CUL5: variants seen among roughly 807,000 people sequenced by gnomAD.
CUL5 encodes the protein cullin 5, also known as cullin-5.
CUL5 carries 26 observed loss-of-function variants against 108.8 expected under a neutral mutation model. The observed-to-expected ratio is 0.24, with a 90% CI of 0.18 to 0.33. The LOEUF is 0.33. Among genes scored for constraint, CUL5 ranks in the 10% least tolerant of loss-of-function variants. CUL5 has a pLI of 1.00. For synonymous variants in CUL5, 334 were observed against 298.0 expected, an observed-to-expected ratio of 1.12 and a Z score of -1.25; for missense variants, 524 against 909.2, an observed-to-expected ratio of 0.58 and a Z score of 5.45.
intron 15 of CUL5, 144 bp from the exon 16 acceptor site, chr11:108,095,386 A>G: frequency 3.3e-6 from 2 of 608,552 alleles, no homozygotes; most frequent in Admixed American, 3.2e-5. Flanking sequence ...CTGGGCAGTC[A>G]TTAACGTCTT....
chr11:108,095,796 C>G, intron 16 of CUL5, 105 bp downstream of exon 16: 1 of 1,100,008 alleles, frequency 9.1e-7, no homozygotes, highest in Non-Finnish European at 1.3e-6. Context: ...TTCAGAATGT[C>G]TTATCAAGAA....
At chr11:108,053,539 T>G (rs1000183199) in intron 5 of CUL5, among the ~76,000 whole-genome samples, 3 of 152,198 alleles carry the variant, frequency 2.0e-5, no homozygotes, top group Non-Finnish European at 4.4e-5. Flanking sequence ...GACATTAAAC[T>G]TCACATGCAG....
intron 1 of CUL5, among the ~76,000 whole-genome samples, chr11:108,023,273 C>T (rs1862371509): frequency 6.6e-6 from 1 of 152,072 alleles, no homozygotes; most frequent in Non-Finnish European, 1.5e-5. Context: ...AAAAAAAACG[C>T]AGTATCTTCT....
Position 108,097,729 on chromosome 11 carries a change from T to A in CUL5, c.1999T>A (p.Ser667Thr). The change falls in exon 17 of 19, where the codon TCA becomes ACA. Residue 667 changes from serine to threonine, a missense_variant. Around this residue, in one of 8 missense-constraint regions of CUL5, gnomAD observed 66 missense variants for 81.4 expected, o/e 0.81. Coordinates refer to ENST00000393094, the MANE Select transcript of CUL5 (RefSeq NM_003478.6). The part of the protein sequence containing the change: ...PKDFTEGTLF[S>T]VNQEFSLIKN... ...AGACTTTACAGAAGGTACCCTCTTCTCAGTGAACCAGGAGTTCAGTTTAAT... is the reference window on the plus strand; with the variant it reads ...AGACTTTACAGAAGGTACCCTCTTCACAGTGAACCAGGAGTTCAGTTTAAT... 1 of 1,606,324 alleles carries A rather than the reference T, an allele frequency of 6.2e-7. No homozygotes were observed. The highest frequency in any genetic ancestry group is 8.5e-7 in the Non-Finnish European group (1 of 1,173,128).
chr11:108,048,276 C>A (rs1026357268), intron 3 of CUL5, among the ~76,000 whole-genome samples: 2 of 151,436 alleles, frequency 1.3e-5, no homozygotes, highest in Admixed American at 6.6e-5. Flanking sequence ...AAATAATAAA[C>A]ATAGGTGGAG....
rs573062648 is a variant in CUL5, at chr11:108,082,816, AG to A, written c.1178+4579del. 3.2e-4 allele frequency among the ~76,000 whole-genome samples: 49 copies of A among 151,462 alleles called. No homozygotes were observed. The South Asian group carries it at 9.8e-3, about 30-fold the overall frequency. ...CCCGGCTAATTTTTTTTTTTGAGACAGGGTCTTGCTGTGTTGCCCAGTCTGG... is the reference window on the plus strand; with the variant it reads ...CCCGGCTAATTTTTTTTTTTGAGACAGGTCTTGCTGTGTTGCCCAGTCTGG... On this transcript the variant is annotated intron_variant, in intron 11 of 18. Transcript: ENST00000393094.
intron 7 of CUL5, among the ~76,000 whole-genome samples, chr11:108,068,986 G>A (rs150541654): frequency 6.6e-6 from 1 of 152,308 alleles, no homozygotes; most frequent in East Asian, 1.9e-4. Flanking sequence ...GGCCAGGCCT[G>A]ATGGTTCACA....
intron 9 of CUL5, among the ~76,000 whole-genome samples, chr11:108,072,839 A>G (rs753273024): frequency 6.6e-6 from 1 of 152,218 alleles, no homozygotes; most frequent in Non-Finnish European, 1.5e-5. Context: ...TTGATTACAA[A>G]TAAAAACATT....
At chr11:108,063,838 T>C (rs1249166495) in intron 7 of CUL5, among the ~76,000 whole-genome samples, 1 of 152,090 alleles carries the variant, frequency 6.6e-6, no homozygotes, top group Non-Finnish European at 1.5e-5. Context: ...TGTACTAATA[T>C]TACATTCCCA....
chr11:108,054,954 CAGTA>C lies in CUL5; in HGVS notation c.780+5_780+8del. On this transcript the variant is annotated splice_donor_variant and splice_donor_region_variant and coding_sequence_variant and intron_variant, in exon 7 of 19. Coordinates refer to ENST00000393094, the MANE Select transcript of CUL5 (RefSeq NM_003478.6). LOFTEE classifies it high-confidence loss of function. ...AGACGAGAATGTAACTCCGTTGAAGCAGTAAGTAATTTTGTAATTGTACATTTTA... is the reference window on the plus strand; with the variant it reads ...AGACGAGAATGTAACTCCGTTGAAGCAGTAATTTTGTAATTGTACATTTTA... The C allele has an allele frequency of 6.3e-7, 1 of 1,589,276 alleles. No individual in the cohort carries two copies. Among genetic ancestry groups the C allele is most frequent in the Non-Finnish European group, 8.6e-7 (1 of 1,167,488 alleles).
Position 108,098,453 on chromosome 11 carries a change from G to A in CUL5, c.2072G>A (p.Arg691His). Reference protein sequence around the residue: ...QKRGKINLIGRLQLTTERMRE... With the variant: ...QKRGKINLIGHLQLTTERMRE... ...AGGGGTAAAATCAACTTGATTGGACGTTTGCAGCTCACTACAGAAAGGATG... is the reference window on the plus strand; with the variant it reads ...AGGGGTAAAATCAACTTGATTGGACATTTGCAGCTCACTACAGAAAGGATG... Residue 691 changes from arginine to histidine, a missense_variant, in exon 18 of 19, where the codon CGT (arginine) becomes CAT (histidine). Physicochemically the swap from Arg to His is conservative, Grantham distance 29. Transcript: ENST00000393094. The A allele has an allele frequency of 6.2e-7, 1 of 1,605,372 alleles. No individual in the cohort carries two copies. The highest frequency in any genetic ancestry group is 8.5e-7 in the Non-Finnish European group (1 of 1,176,190).
chr11:108,067,955 T>C (rs1246673873), intron 7 of CUL5, among the ~76,000 whole-genome samples: 1 of 151,948 alleles, frequency 6.6e-6, no homozygotes, highest in Non-Finnish European at 1.5e-5. Flanking sequence ...TGAGACGGAG[T>C]TTTGCTCTTG....
chr11:108,009,904 C>T (rs1304069455), intron 1 of CUL5, among the ~76,000 whole-genome samples: 1 of 152,150 alleles, frequency 6.6e-6, no homozygotes, highest in African/African-American at 2.4e-5. Context: ...TACACCTTCC[C>T]TCCTAATTCT....
chr11:108,102,905 C>T (rs1565273463), intron 18 of CUL5, among the ~76,000 whole-genome samples: 1 of 152,076 alleles, frequency 6.6e-6, no homozygotes, highest in Non-Finnish European at 1.5e-5. Flanking sequence ...AAGCAATCCT[C>T]TTTCTTCAGC....
chr11:108,100,750 G>A (rs1481949582), intron 18 of CUL5, among the ~76,000 whole-genome samples: 3 of 152,152 alleles, frequency 2.0e-5, no homozygotes, highest in Non-Finnish European at 2.9e-5. Flanking sequence ...TTGAAATGTG[G>A]CCAGGCGCGG....
intron 8 of CUL5, among the ~76,000 whole-genome samples, chr11:108,070,855 A>C (rs1863803812): frequency 2.6e-5 from 4 of 152,194 alleles, no homozygotes; most frequent in Non-Finnish European, 5.9e-5. Context: ...TGCATATTTC[A>C]ATTCACTTAA....
intron 13 of CUL5, 103 bp from the exon 14 acceptor site, chr11:108,094,288 T>C: frequency 1.2e-6 from 1 of 864,412 alleles, no homozygotes; most frequent in South Asian, 1.9e-5. Flanking sequence ...AGAAAAATTT[T>C]GTATTAAAAC....
At chr11:108,095,402 A>G in intron 15 of CUL5, 128 bp from the exon 16 acceptor site, 1 of 637,134 alleles carries the variant, frequency 1.6e-6, no homozygotes, top group Non-Finnish European at 2.6e-6. Flanking sequence ...GTCTTCTAAA[A>G]TGTTTATTAC....
chr11:108,071,635 C>G (rs1863825658), intron 8 of CUL5, among the ~76,000 whole-genome samples: 1 of 152,306 alleles, frequency 6.6e-6, no homozygotes, highest in East Asian at 1.9e-4. Flanking sequence ...CAGCCTCAGC[C>G]TCCTGGGCTT....
Sources: gnomAD v4.1 joint callset for allele counts (sites outside exome capture counted in the v4.1 genomes callset) on GRCh38, gnomAD v4.1.1 for gene constraint, gnomAD v4.1.1 regional missense constraint, MANE v1.5 for transcripts, NCBI Gene and HGNC (gene_info 2026-07-23, HGNC 2026-07-21) for gene names.